AKAP6: variants seen among roughly 807,000 people sequenced by gnomAD.
AKAP6 encodes the protein A-kinase anchor protein 6.
A neutral mutation model predicts 188.5 loss-of-function variants in AKAP6; 58 were observed. The ratio of observed to expected loss-of-function variants is 0.31; its 90% CI spans 0.25 to 0.38. The LOEUF (loss-of-function observed/expected upper bound fraction) is 0.38. AKAP6 is among the 10% of genes least tolerant of loss of function. The pLI is 1.00. For missense variants in AKAP6, 2,710 were observed against 2,740.0 expected (o/e 0.99, Z 0.24); for synonymous variants, 989 against 998.6 (o/e 0.99, Z 0.18).
At chr14:32,722,351 G>C (rs556639158) in intron 9 of AKAP6, among the ~76,000 whole-genome samples, 1 of 151,978 alleles carries the variant, frequency 6.6e-6, no homozygotes, top group Non-Finnish European at 1.5e-5. Context: ...TTTTAACCCT[G>C]TGTTTTTCTT....
intron 11 of AKAP6, among the ~76,000 whole-genome samples, chr14:32,740,662 G>A (rs1025559292): frequency 6.6e-6 from 1 of 152,044 alleles, no homozygotes; most frequent in Non-Finnish European, 1.5e-5. Flanking sequence ...TGGCAAGTTT[G>A]TTGAAAATGA....
chr14:32,338,528 G>A (rs1289911748), intron 1 of AKAP6, among the ~76,000 whole-genome samples: 1 of 152,160 alleles, frequency 6.6e-6, no homozygotes, highest in Non-Finnish European at 1.5e-5. Context: ...CAAGAGATTA[G>A]TGGTAGGGAA....
intron 7 of AKAP6, among the ~76,000 whole-genome samples, chr14:32,639,940 G>T (rs1887682977): frequency 1.3e-5 from 2 of 152,014 alleles, no homozygotes; most frequent in African/African-American, 4.8e-5. Context: ...TTGGGGCCTT[G>T]TAGTTCTTCA....
intron 12 of AKAP6, among the ~76,000 whole-genome samples, chr14:32,811,475 C>T (rs1464743916): frequency 6.6e-6 from 1 of 152,026 alleles, no homozygotes; most frequent in Non-Finnish European, 1.5e-5. Flanking sequence ...AGAATGAAGA[C>T]ACAAGAGGCT....
chr14:32,734,348 G>A (rs1269602240), intron 10 of AKAP6: 2 of 152,130 alleles, frequency 1.3e-5, no homozygotes, highest in African/African-American at 2.4e-5. Flanking sequence ...AGAATGAAAT[G>A]TCAGTGGTGC....
intron 13 of AKAP6, among the ~76,000 whole-genome samples, chr14:32,829,635 A>G (rs1485319396): frequency 6.7e-6 from 1 of 150,322 alleles, no homozygotes; most frequent in African/African-American, 2.4e-5. Flanking sequence ...AAAAAAAATC[A>G]ATGTATTTTT....
At chr14:32,700,953 AC>A (rs1378342825) in intron 9 of AKAP6, among the ~76,000 whole-genome samples, 1 of 152,210 alleles carries the variant, frequency 6.6e-6, no homozygotes, top group Non-Finnish European at 1.5e-5. Flanking sequence ...TAAAAATACT[AC>A]TAAATAAGTA....
At position 32,725,534 on chromosome 14, in the gene AKAP6, G is replaced by A. The variant is rs115784914; in HGVS notation, c.3001-6920G>A. On this transcript the variant is annotated intron_variant, in intron 9 of 13. Transcript: ENST00000280979. ...TACCATTTCAGGAATGTTGATTTCC[G>A]TTTGAGACAATTTGTTTTTACATCA... Among the ~76,000 whole-genome samples the A allele has an allele frequency of 8.1e-3, 1,233 of 151,524 alleles. 15 individuals carry two copies. The highest frequency in any genetic ancestry group is 0.028 in the African/African-American group (1,150 of 41,242).
chr14:32,461,174 G>A (rs1430066329), intron 2 of AKAP6, among the ~76,000 whole-genome samples: 1 of 152,160 alleles, frequency 6.6e-6, no homozygotes, highest in Admixed American at 6.5e-5. Flanking sequence ...TCTCTGAAAT[G>A]AGCAGCTGAT....
intron 7 of AKAP6, among the ~76,000 whole-genome samples, chr14:32,664,041 T>A (rs1408620489): frequency 2.6e-5 from 4 of 151,874 alleles, no homozygotes; most frequent in African/African-American, 9.7e-5. Context: ...AGAAAAAAAA[T>A]AATAACTGAG....
chr14:32,748,113 A>T (rs190007214), intron 11 of AKAP6, among the ~76,000 whole-genome samples: 1 of 152,346 alleles, frequency 6.6e-6, no homozygotes, highest in East Asian at 1.9e-4. Flanking sequence ...TAAATTACTT[A>T]AATGTAACTT....
intron 8 of AKAP6, among the ~76,000 whole-genome samples, chr14:32,689,999 C>T (rs1456069616): frequency 6.7e-6 from 1 of 150,366 alleles, no homozygotes; most frequent in African/African-American, 2.4e-5. Flanking sequence ...ATTTCAGGAA[C>T]CAGTCTGGTG....
At position 32,833,303 on chromosome 14, in the gene AKAP6, A is replaced by G. The variant is rs1280900364; in HGVS notation, c.*3498A>G. 6.6e-6 allele frequency: 1 copy of G among 152,188 alleles called. No individual in the cohort carries two copies. The highest frequency in any genetic ancestry group is 1.5e-5 in the Non-Finnish European group (1 of 68,046). 9.4% of individuals were successfully genotyped at this position (152,188 alleles called of 1,614,324 possible). On this transcript the variant is annotated 3_prime_UTR_variant, in exon 14 of 14. Transcript: ENST00000280979. Reference sequence around the variant, plus strand: ...CAAAGGTTTACAGCTTTTCTTCTGAAAGTGCCTTTTGTGTCCTTGAATAGA... The same window carrying G: ...CAAAGGTTTACAGCTTTTCTTCTGAGAGTGCCTTTTGTGTCCTTGAATAGA...
intron 1 of AKAP6, among the ~76,000 whole-genome samples, chr14:32,388,372 T>C (rs1186747740): frequency 6.6e-6 from 1 of 152,118 alleles, no homozygotes; most frequent in Non-Finnish European, 1.5e-5. Flanking sequence ...AGTTCTGCTC[T>C]GATCTTGGTT....
chr14:32,568,677 C>T lies in AKAP6; in HGVS notation c.2347-8443C>T, dbSNP rs1884317899. Reference sequence around the variant, plus strand: ...AGTCATACTACCTGAATGAGGGGTCCCCAGCTTCATACCTGACAATGTTGG... The same window carrying T: ...AGTCATACTACCTGAATGAGGGGTCTCCAGCTTCATACCTGACAATGTTGG... On this transcript the variant is annotated intron_variant, in intron 4 of 13. Coordinates refer to ENST00000280979, the MANE Select transcript of AKAP6 (RefSeq NM_004274.5). The surrounding 1 kb of genome is among the most constrained non-coding windows in gnomAD (Gnocchi z 6.2). 6.6e-6 allele frequency among the ~76,000 whole-genome samples: 1 copy of T among 152,044 alleles called. No individual in the cohort carries two copies. The highest frequency in any genetic ancestry group is 2.4e-5 in the African/African-American group (1 of 41,408).
chr14:32,464,669 C>T (rs1219071509), intron 2 of AKAP6, among the ~76,000 whole-genome samples: 1 of 152,164 alleles, frequency 6.6e-6, no homozygotes, highest in Non-Finnish European at 1.5e-5. Context: ...GGAAACATCC[C>T]ATTTGAAAAC....
intron 7 of AKAP6, among the ~76,000 whole-genome samples, chr14:32,641,340 AG>A (rs546628863): frequency 1.0e-3 from 155 of 152,080 alleles, no homozygotes; most frequent in African/African-American, 3.5e-3. Context: ...TTTTAGCCAA[AG>A]AAAAAGAAAA....
At chr14:32,620,139 A>G (rs1287623086) in intron 7 of AKAP6, among the ~76,000 whole-genome samples, 1 of 152,088 alleles carries the variant, frequency 6.6e-6, no homozygotes, top group Non-Finnish European at 1.5e-5. Flanking sequence ...ATATTTTCCA[A>G]TTTGGATGCC....
chr14:32,520,200 T>C (rs1881745638), intron 2 of AKAP6, among the ~76,000 whole-genome samples: 1 of 152,204 alleles, frequency 6.6e-6, no homozygotes, highest in Admixed American at 6.5e-5. Context: ...TAAAGCAGTG[T>C]GTAGAGGGAA....
Sources: gnomAD v4.1 joint callset for allele counts (sites outside exome capture counted in the v4.1 genomes callset) on GRCh38, gnomAD v4.1.1 for gene constraint, Gnocchi (gnomAD v3.1) non-coding constraint, MANE v1.5 for transcripts, NCBI Gene and HGNC (gene_info 2026-07-23, HGNC 2026-07-21) for gene names.